The following COL25A1 variants were observed in gnomAD, a reference collection of about 807,000 sequenced individuals.
COL25A1 encodes the protein collagen alpha-1(XXV) chain.
Under a neutral mutation model 128.4 loss-of-function variants are expected in COL25A1, and 103 were observed. The ratio of observed to expected loss-of-function variants is 0.80; its 90% CI spans 0.68 to 0.94. COL25A1 has a LOEUF of 0.94. COL25A1 is among the 40% of genes least tolerant of loss of function. COL25A1 has a pLI of 0.00. For missense variants in COL25A1, 745 were observed against 840.0 expected, an observed-to-expected ratio of 0.89 and a Z score of 1.40; for synonymous variants, 279 against 277.2, an observed-to-expected ratio of 1.01 and a Z score of -0.06.
chr4:109,296,495 C>G (rs1358529597), intron 3 of COL25A1, among the ~76,000 whole-genome samples: 1 of 152,006 alleles, frequency 6.6e-6, no homozygotes, highest in Non-Finnish European at 1.5e-5. Flanking sequence ...GATACCAAGT[C>G]TGCCTTGTAC....
At chr4:109,122,692 T>C (rs116908025) in intron 3 of COL25A1, among the ~76,000 whole-genome samples, 3,576 of 152,150 alleles carry the variant, frequency 0.024, 96 homozygotes, top group South Asian at 0.12. Context: ...ATAATTCTAA[T>C]GGAAGGACAT....
Position 109,140,339 on chromosome 4 carries a change from T to C in COL25A1, c.368-90160A>G, listed in dbSNP as rs560793406. 1.6e-3 allele frequency among the ~76,000 whole-genome samples: 245 copies of C among 152,348 alleles called. 2 individuals carry two copies. The highest frequency in any genetic ancestry group is 5.4e-3 in the African/African-American group (224 of 41,588). ...TGCTATTTTGGTTACTGTAGCCTTG[T>C]AGTATAGTTTGAAGTCAGGTAGTGT... On this transcript the variant is annotated intron_variant, in intron 3 of 37. Coordinates refer to ENST00000399132, the MANE Select transcript of COL25A1 (RefSeq NM_198721.4).
At chr4:109,257,221 G>A (rs534090980) in intron 3 of COL25A1, among the ~76,000 whole-genome samples, 1 of 152,220 alleles carries the variant, frequency 6.6e-6, no homozygotes, top group East Asian at 1.9e-4. Flanking sequence ...TTGTCTTCAT[G>A]CTGCACTTAA....
At chr4:108,882,584 G>T (rs1303753831) in intron 19 of COL25A1, among the ~76,000 whole-genome samples, 1 of 150,930 alleles carries the variant, frequency 6.6e-6, no homozygotes, top group South Asian at 2.1e-4. Context: ...AGCCATCTTT[G>T]TGTGTGTGTG....
chr4:108,913,553 C>T (rs1366920111), intron 13 of COL25A1, among the ~76,000 whole-genome samples: 1 of 152,092 alleles, frequency 6.6e-6, no homozygotes, highest in African/African-American at 2.4e-5. Flanking sequence ...ACACCGCACC[C>T]GACCTCCAGC....
At chr4:109,178,287 G>A (rs1774282970) in intron 3 of COL25A1, among the ~76,000 whole-genome samples, 1 of 152,120 alleles carries the variant, frequency 6.6e-6, no homozygotes, top group African/African-American at 2.4e-5. Context: ...GTTGGGTAAG[G>A]ATTTATTAAG....
intron 24 of COL25A1, 57 bp downstream of exon 24, chr4:108,859,599 A>G (rs900954307): frequency 8.9e-6 from 13 of 1,465,268 alleles, no homozygotes; most frequent in South Asian, 3.6e-5. Flanking sequence ...CACACATTAC[A>G]TGGGTGCTCC....
intron 6 of COL25A1, among the ~76,000 whole-genome samples, chr4:109,009,957 T>C (rs953411566): frequency 1.3e-5 from 2 of 152,232 alleles, no homozygotes; most frequent in African/African-American, 4.8e-5. Context: ...GAATCAAAAG[T>C]AGCTAGTAGG....
At chr4:108,971,867 G>C (rs532883197) in intron 8 of COL25A1, among the ~76,000 whole-genome samples, 35 of 152,326 alleles carry the variant, frequency 2.3e-4, no homozygotes, top group Middle Eastern at 6.8e-3. Flanking sequence ...GTAGAAGAGA[G>C]AGATAAGTGG....
At chr4:109,064,186 C>T (rs1253460668) in intron 3 of COL25A1, among the ~76,000 whole-genome samples, 1 of 152,140 alleles carries the variant, frequency 6.6e-6, no homozygotes, top group East Asian at 1.9e-4. Context: ...CTGCCATTAA[C>T]GTGATAGTCA....
At chr4:109,086,691 T>C (rs1426405901) in intron 3 of COL25A1, among the ~76,000 whole-genome samples, 1 of 152,166 alleles carries the variant, frequency 6.6e-6, no homozygotes, top group Non-Finnish European at 1.5e-5. Flanking sequence ...CTGCTGGGAA[T>C]TGCTCTTTGA....
intron 3 of COL25A1, among the ~76,000 whole-genome samples, chr4:109,276,905 C>T (rs919271911): frequency 2.4e-4 from 36 of 152,318 alleles, no homozygotes; most frequent in African/African-American, 8.4e-4. Flanking sequence ...AAGACAACCA[C>T]CACGCTTTCC....
At chr4:109,088,303 G>A (rs1366104347) in intron 3 of COL25A1, among the ~76,000 whole-genome samples, 2 of 152,130 alleles carry the variant, frequency 1.3e-5, no homozygotes, top group Non-Finnish European at 2.9e-5. Context: ...GTGAGGAGCA[G>A]GTATGGGGCA....
At chr4:109,254,641 C>T (rs1780964145) in intron 3 of COL25A1, among the ~76,000 whole-genome samples, 8 of 151,064 alleles carry the variant, frequency 5.3e-5, no homozygotes, top group Admixed American at 5.3e-4. Context: ...TTTCTGTCTC[C>T]AACAATGTTT....
chr4:109,010,417 T>TC (rs1756468129), intron 5 of COL25A1, 42 bp from the exon 6 acceptor site: 2 of 1,446,338 alleles, frequency 1.4e-6, no homozygotes, highest in Admixed American at 2.3e-5. Context: ...CAAAATTGTA[T>TC]CCTAAGTGAA....
At chr4:109,093,224 A>G (rs3108940) in intron 3 of COL25A1, among the ~76,000 whole-genome samples, 35,140 of 151,970 alleles carry the variant, frequency 0.23, 5,246 homozygotes, top group African/African-American at 0.4. Flanking sequence ...AAATCACATT[A>G]TCTTTGCCCC....
intron 3 of COL25A1, among the ~76,000 whole-genome samples, chr4:109,254,002 G>A (rs1780857001): frequency 6.6e-6 from 1 of 151,686 alleles, no homozygotes; most frequent in Non-Finnish European, 1.5e-5. Context: ...CAGGAGAATG[G>A]CGCGAACCCA....
chr4:108,913,261 C>CTTTTTTTTTTTT (rs201929872), intron 13 of COL25A1, among the ~76,000 whole-genome samples: 1,823 of 92,150 alleles, frequency 0.02, 333 homozygotes, highest in Non-Finnish European at 0.031. Flanking sequence ...TCTCTAGCTC[C>CTTTTTTTTTTTT]TTTTTTTTTT....
chr4:108,853,833 A>G (rs1736127860), intron 24 of COL25A1, among the ~76,000 whole-genome samples: 1 of 152,106 alleles, frequency 6.6e-6, no homozygotes, highest in Admixed American at 6.6e-5. Context: ...ATGTCCCTAC[A>G]AATGACATGA....
Sources: gnomAD v4.1 joint callset for allele counts (sites outside exome capture counted in the v4.1 genomes callset) on GRCh38, gnomAD v4.1.1 for gene constraint, MANE v1.5 for transcripts, NCBI Gene and HGNC (gene_info 2026-07-23, HGNC 2026-07-21) for gene names.